Variants in ITPR1 observed in about 807,000 individuals in gnomAD.
ITPR1 encodes inositol 1,4,5-trisphosphate-gated calcium channel ITPR1.
In ITPR1, 96 loss-of-function variants were observed where a neutral mutation model predicts 318.4. The ratio of observed to expected loss-of-function variants is 0.30; its 90% CI spans 0.26 to 0.36. The LOEUF is 0.36. Among genes scored for constraint, ITPR1 ranks in the 10% least tolerant of loss-of-function variants. The pLI, the probability that ITPR1 is intolerant of heterozygous loss-of-function variation, is 1.00. For synonymous variants in ITPR1, 1,312 were observed against 1,289.9 expected (o/e 1.02, Z -0.37); for missense variants, 2,440 against 3,460.2 (o/e 0.71, Z 7.40).
chr3:4,712,645 C>T (rs1365308054), intron 39 of ITPR1, among the ~76,000 whole-genome samples: 1 of 152,194 alleles, frequency 6.6e-6, no homozygotes, highest in Non-Finnish European at 1.5e-5. Context: ...CATTTTTCAG[C>T]TCTAGGAAGA....
At chr3:4,797,131 C>A (rs1446350497) in intron 53 of ITPR1, among the ~76,000 whole-genome samples, 3 of 151,630 alleles carry the variant, frequency 2.0e-5, no homozygotes, top group African/African-American at 7.3e-5. Flanking sequence ...TAATTCAGAG[C>A]TCCGAGGAGA....
chr3:4,713,400 A>G (rs140823046), intron 39 of ITPR1, among the ~76,000 whole-genome samples: 2,201 of 152,292 alleles, frequency 0.014, 30 homozygotes, highest in Non-Finnish European at 0.021. Flanking sequence ...CCTCTATTCT[A>G]GTGACTTACA....
intron 24 of ITPR1, among the ~76,000 whole-genome samples, chr3:4,678,607 A>C (rs1310563800): frequency 1.3e-5 from 2 of 152,230 alleles, no homozygotes; most frequent in African/African-American, 2.4e-5. Context: ...AGCTGCGTGG[A>C]TGTGGAAATA....
In ITPR1 at chr3:4,846,301, A is replaced by G; in HGVS notation, c.*76A>G. 1.0e-6 allele frequency: 1 copy of G among 961,288 alleles called. No homozygotes were observed. The highest frequency in any genetic ancestry group is 2.2e-4 in the Middle Eastern group (1 of 4,556). The allele number at this position is 961,288 out of a possible 1,614,324, so 59.5% of individuals were successfully genotyped here. A position where few individuals can be genotyped will look rare whatever the true frequency, so the allele number is the denominator to read the frequency against. On this transcript the variant is annotated 3_prime_UTR_variant, in exon 62 of 62. Coordinates refer to ENST00000649015, the MANE Select transcript of ITPR1 (RefSeq NM_001378452.1). ...GGGTATGGCTAATGAGTTCTGATTC[A>G]CCCACGAAGGTTACATTTATGCTGA...
intron 4 of ITPR1, among the ~76,000 whole-genome samples, chr3:4,589,938 G>C (rs2090248825): frequency 6.6e-6 from 1 of 152,118 alleles, no homozygotes; most frequent in African/African-American, 2.4e-5. Context: ...GGTTCTTTCA[G>C]CTCTAACCAT....
chr3:4,526,327 G>A (rs1019546422), intron 4 of ITPR1, among the ~76,000 whole-genome samples: 3 of 152,218 alleles, frequency 2.0e-5, no homozygotes, highest in Non-Finnish European at 4.4e-5. Flanking sequence ...GAATTGGGGA[G>A]GGGATCAGAC....
chr3:4,519,935 G>A (rs304013), intron 3 of ITPR1, among the ~76,000 whole-genome samples: 1 of 152,092 alleles, frequency 6.6e-6, no homozygotes, highest in Non-Finnish European at 1.5e-5. Flanking sequence ...GCTTGGTCGG[G>A]GGGGCTTTGT....
At chr3:4,730,073 C>G (rs183794997) in intron 42 of ITPR1, among the ~76,000 whole-genome samples, 29 of 152,006 alleles carry the variant, frequency 1.9e-4, no homozygotes, top group African/African-American at 7.0e-4. Flanking sequence ...ACCACTGGCT[C>G]AAACAGAATT....
In ITPR1 at chr3:4,645,605, T is replaced by C. The variant is rs2093436687; in HGVS notation, c.732T>C (p.His244=). ...AGGGTGACGTGGTGAGGCTGTTTCA[T>C]GCTGAGCAGGAGAAGTTTCTCACCT... is the stretch of plus-strand genomic sequence containing the variant. ...LKGGDVVRLF[H]AEQEKFLTCD... The change falls in exon 10 of 62, where the codon CAT becomes CAC. Residue 244 remains histidine, a synonymous_variant. Transcript: ENST00000649015. 2 of 1,613,522 alleles carry C rather than the reference T, an allele frequency of 1.2e-6. No individual in the cohort carries two copies. Among genetic ancestry groups the C allele is most frequent in the South Asian group, 2.2e-5 (2 of 90,982 alleles).
At chr3:4,759,455 G>T (rs1296480787) in intron 44 of ITPR1, among the ~76,000 whole-genome samples, 3 of 152,186 alleles carry the variant, frequency 2.0e-5, no homozygotes, top group Non-Finnish European at 4.4e-5. Flanking sequence ...CCCCAGTGTG[G>T]TCAAAAGTAA....
In ITPR1 at chr3:4,675,244, G is replaced by T. The variant is rs1228702760; in HGVS notation, c.2775G>T (p.Leu925=). 6.2e-7 allele frequency: 1 copy of T among 1,607,520 alleles called. No individual in the cohort carries two copies. The highest frequency in any genetic ancestry group is 1.3e-5 in the African/African-American group (1 of 74,540). Residue 925 remains leucine, a synonymous_variant, in exon 23 of 62, where the codon CTG becomes CTT. Coordinates refer to ENST00000649015, the MANE Select transcript of ITPR1 (RefSeq NM_001378452.1). ...AAGGTAACAATGATGTGGAGAAGCT[G>T]AAGAGTGAGTATCTGAGGGTGCCCA... ...ENKGNNDVEK[L]KSSNVMRSIH... is the part of the protein sequence containing the mutation.
intron 30 of ITPR1, among the ~76,000 whole-genome samples, chr3:4,685,840 C>T (rs1188114321): frequency 6.6e-6 from 1 of 152,184 alleles, no homozygotes; most frequent in African/African-American, 2.4e-5. Context: ...TCATTCAAGC[C>T]TACAAGACCC....
intron 60 of ITPR1, among the ~76,000 whole-genome samples, chr3:4,831,962 G>A (rs1280342953): frequency 6.6e-6 from 1 of 152,212 alleles, no homozygotes; most frequent in Non-Finnish European, 1.5e-5. Context: ...CCACACTAGA[G>A]CCTGTCCTAC....
intron 39 of ITPR1, among the ~76,000 whole-genome samples, chr3:4,716,620 C>T (rs2041782000): frequency 6.6e-6 from 1 of 152,136 alleles, no homozygotes; most frequent in Non-Finnish European, 1.5e-5. Context: ...TTAACATTTC[C>T]AGCTACTAGT....
intron 20 of ITPR1, among the ~76,000 whole-genome samples, chr3:4,672,573 G>C (rs1278646011): frequency 6.6e-6 from 1 of 152,228 alleles, no homozygotes; most frequent in Non-Finnish European, 1.5e-5. Context: ...TCAGGTTCCA[G>C]TTAACAACAT....
intron 4 of ITPR1, among the ~76,000 whole-genome samples, chr3:4,618,362 T>A (rs1474488727): frequency 6.6e-6 from 1 of 152,254 alleles, no homozygotes; most frequent in Non-Finnish European, 1.5e-5. Flanking sequence ...TGTCTCTTGA[T>A]GTCTGTAGAT....
chr3:4,588,392 G>T (rs905721088), intron 4 of ITPR1, among the ~76,000 whole-genome samples: 1 of 151,626 alleles, frequency 6.6e-6, no homozygotes. Context: ...ATTACACTGG[G>T]TTTTTAAACG....
At chr3:4,711,360 C>T (rs530135842) in intron 38 of ITPR1, among the ~76,000 whole-genome samples, 99 of 152,064 alleles carry the variant, frequency 6.5e-4, no homozygotes, top group Non-Finnish European at 1.2e-3. Context: ...GTATTGGCCT[C>T]AACCATCATC....
At position 4,706,120 on chromosome 3, in the gene ITPR1, TC is replaced by T. The variant is rs755449399; in HGVS notation, c.4658-42del. On this transcript the variant is annotated intron_variant, in intron 36 of 61. Coordinates refer to ENST00000649015, the MANE Select transcript of ITPR1 (RefSeq NM_001378452.1). ...GGGCATTACGTCCATCTGTAGGGTG[TC>T]CCCCATAAAAGTTGTAGGCTCACGA... 5 of 1,604,700 alleles carry T rather than the reference TC, an allele frequency of 3.1e-6. No homozygotes were observed. In the South Asian group the frequency reaches 4.4e-5, roughly 14 times the overall value.
Sources: allele counts gnomAD v4.1 joint callset (sites outside exome capture counted in the v4.1 genomes callset), GRCh38; gene constraint gnomAD v4.1.1; transcripts MANE v1.5; gene names NCBI Gene and HGNC (gene_info 2026-07-23, HGNC 2026-07-21).